The following DRGX variants were observed in gnomAD, a reference collection of about 807,000 sequenced individuals.
The protein encoded by DRGX is dorsal root ganglia homeobox protein.
DRGX carries 21 observed loss-of-function variants against 28.6 expected under a neutral mutation model. That is an observed-to-expected ratio of 0.73 (90% CI 0.52 to 1.06). The LOEUF is 1.06. Ranked by LOEUF, DRGX falls within the 50% of genes least tolerant of loss-of-function variation. The probability of loss-of-function intolerance (pLI) is 0.00; values close to 1 mark genes in which losing one functional copy is unlikely to be tolerated. For synonymous variants in DRGX, 136 were observed against 139.1 expected, an observed-to-expected ratio of 0.98 and a Z score of 0.16; for missense variants, 354 against 343.9, an observed-to-expected ratio of 1.03 and a Z score of -0.23.
chr10:49,391,475 G>T (rs1849904510), intron 2 of DRGX, among the ~76,000 whole-genome samples: 1 of 152,124 alleles, frequency 6.6e-6, no homozygotes, highest in Non-Finnish European at 1.5e-5. Context: ...ATTACATAGG[G>T]CGAGTGGTGA....
At chr10:49,369,501 A>G (rs1849632072) in intron 6 of DRGX, among the ~76,000 whole-genome samples, 1 of 152,220 alleles carries the variant, frequency 6.6e-6, no homozygotes, top group African/African-American at 2.4e-5. Context: ...CCAGTCACTA[A>G]AAGAACAAAT....
At chr10:49,393,353 T>A (rs1358625692) in intron 2 of DRGX, among the ~76,000 whole-genome samples, 1 of 152,194 alleles carries the variant, frequency 6.6e-6, no homozygotes, top group Non-Finnish European at 1.5e-5. Flanking sequence ...AAATGAGAAT[T>A]AAATCATGTT....
At chr10:49,381,598 C>T (rs914884325) in intron 6 of DRGX, among the ~76,000 whole-genome samples, 10 of 152,178 alleles carry the variant, frequency 6.6e-5, no homozygotes, top group African/African-American at 2.2e-4. Context: ...AGACCAGGAC[C>T]CCCAGCTCAG....
chr10:49,389,840 CTT>C (rs372299739), intron 4 of DRGX, among the ~76,000 whole-genome samples: 6 of 137,992 alleles, frequency 4.3e-5, no homozygotes, highest in Admixed American at 7.3e-5. Context: ...TTCTTTCTTT[CTT>C]TTTTTTTTTT....
intron 4 of DRGX, among the ~76,000 whole-genome samples, chr10:49,388,704 G>A (rs1197722892): frequency 6.6e-6 from 1 of 152,178 alleles, no homozygotes; most frequent in African/African-American, 2.4e-5. Context: ...AGAGCATGAT[G>A]GAGTCGTTTA....
At chr10:49,377,021 T>C (rs1207504248) in intron 6 of DRGX, among the ~76,000 whole-genome samples, 1 of 152,208 alleles carries the variant, frequency 6.6e-6, no homozygotes, top group Non-Finnish European at 1.5e-5. Flanking sequence ...ATGCTCAACC[T>C]GTGGTTCAGA....
intron 6 of DRGX, among the ~76,000 whole-genome samples, chr10:49,385,966 C>A (rs1338598293): frequency 6.6e-6 from 1 of 152,084 alleles, no homozygotes; most frequent in Admixed American, 6.5e-5. Flanking sequence ...TGACAAAATG[C>A]CCCTAACGAT....
At chr10:49,375,066 A>G (rs1849702527) in intron 6 of DRGX, among the ~76,000 whole-genome samples, 2 of 152,248 alleles carry the variant, frequency 1.3e-5, no homozygotes, top group South Asian at 4.1e-4. Context: ...ATATTTAAGC[A>G]TACTTTTAGC....
intron 1 of DRGX, 92 bp downstream of exon 1, chr10:49,395,843 C>T (rs569162664): frequency 5.0e-4 from 131 of 262,532 alleles, no homozygotes; most frequent in African/African-American, 2.9e-3. Context: ...GCGCGCAAGG[C>T]CATCTGCGAG....
In DRGX at chr10:49,366,038, T is replaced by C; in HGVS notation, c.*78A>G. 6.9e-7 allele frequency: 1 copy of C among 1,439,940 alleles called. No individual in the cohort carries two copies. Among genetic ancestry groups the C allele is most frequent in the East Asian group, 2.4e-5 (1 of 41,298 alleles). The allele number at this position is 1,439,940 out of a possible 1,614,324, so 89.2% of individuals were successfully genotyped here. A position where few individuals can be genotyped will look rare whatever the true frequency, so the allele number is the denominator to read the frequency against. ...GGGCCGCAGGCTTCTCCTTGCTATT[T>C]GGAGAGTTTTCTGTAGGGGCTGAGG... On this transcript the variant is annotated 3_prime_UTR_variant, in exon 7 of 7. Coordinates refer to ENST00000374139, the MANE Select transcript of DRGX (RefSeq NM_001276451.2).
In DRGX at chr10:49,395,527, A is replaced by T; in HGVS notation, c.-81-6T>A. The T allele has an allele frequency of 7.6e-6, 11 of 1,453,946 alleles. No homozygotes were observed. Among genetic ancestry groups the T allele is most frequent in the Non-Finnish European group, 9.4e-6 (10 of 1,063,842 alleles). The allele number at this position is 1,453,946 out of a possible 1,614,324, so 90.1% of individuals were successfully genotyped here. On this transcript the variant is annotated splice_region_variant and splice_polypyrimidine_tract_variant and intron_variant, in intron 1 of 6. Coordinates refer to ENST00000374139, the MANE Select transcript of DRGX (RefSeq NM_001276451.2). ...CGCGCGTTGCTCCTGCCTGGCTGCA[A>T]AGCAAACAGCGATAGAGCTTCAAGT...
chr10:49,389,586 G>A (rs549660519), intron 4 of DRGX, among the ~76,000 whole-genome samples: 97 of 152,192 alleles, frequency 6.4e-4, no homozygotes, highest in African/African-American at 2.2e-3. Context: ...CGGTCACCGC[G>A]GGCCATACTC....
chr10:49,372,965 ATTGTTT>A (rs778484473), intron 6 of DRGX, among the ~76,000 whole-genome samples: 1 of 152,184 alleles, frequency 6.6e-6, no homozygotes, highest in Non-Finnish European at 1.5e-5. Context: ...GTAGCAGAGT[ATTGTTT>A]TTGTTTTTGT....
At chr10:49,395,827 C>T in intron 1 of DRGX, 108 bp downstream of exon 1, 1 of 288,194 alleles carries the variant, frequency 3.5e-6, no homozygotes. Flanking sequence ...CAGCCAGGTC[C>T]GGCTAGCGCG....
rs772322917 is a variant in DRGX, at chr10:49,386,472, A to G, written c.526+6T>C. On this transcript the variant is annotated splice_donor_region_variant and intron_variant, in intron 6 of 6. Coordinates refer to ENST00000374139, the MANE Select transcript of DRGX (RefSeq NM_001276451.2). The stretch of plus-strand genomic sequence containing the variant: ...CGCCCACCAGCCCAGCCGAACCCAA[A>G]CTCACCTTTGAGGGAAGCCACATGG... The G allele has an allele frequency of 1.9e-6, 3 of 1,551,998 alleles. No homozygotes were observed. The East Asian group carries it at 7.2e-5, about 37-fold the overall frequency.
intron 6 of DRGX, 120 bp downstream of exon 6, chr10:49,386,358 A>C: frequency 1.3e-6 from 1 of 793,284 alleles, no homozygotes; most frequent in Non-Finnish European, 2.0e-6. Context: ...GACTGACAGG[A>C]GGCGAGGAAG....
In DRGX at chr10:49,386,414, G is replaced by A. The variant is rs530219665; in HGVS notation, c.526+64C>T. 9.6e-5 allele frequency: 134 copies of A among 1,399,774 alleles called. No homozygotes were observed. The East Asian group carries it at 1.2e-3, about 12-fold the overall frequency. The allele number at this position is 1,399,774 out of a possible 1,614,324, so 86.7% of individuals were successfully genotyped here. A position where few individuals can be genotyped will look rare whatever the true frequency, so the allele number is the denominator to read the frequency against. On this transcript the variant is annotated intron_variant, in intron 6 of 6. Transcript: ENST00000374139. ...GGACGGCCGAGCCAAGACCCAGGCC[G>A]GTCACACAAACTCCACCAACCCCAT...
At chr10:49,387,475 A>G (rs1240482946) in intron 4 of DRGX, among the ~76,000 whole-genome samples, 1 of 152,132 alleles carries the variant, frequency 6.6e-6, no homozygotes, top group Admixed American at 6.5e-5. Flanking sequence ...CCTGGCCAAC[A>G]TGATGAAACC....
rs1436030473 is a variant in DRGX, at chr10:49,395,586, G to T, written c.-81-65C>A. 7.6e-6 allele frequency: 7 copies of T among 921,104 alleles called. No homozygotes were observed. In the Admixed American group the frequency reaches 1.1e-4, roughly 14 times the overall value. 57.1% of individuals were successfully genotyped at this position (921,104 alleles called of 1,614,324 possible). The stretch of plus-strand genomic sequence containing the variant: ...GCCAGCGCTCCCGCCCAGCCCTAGG[G>T]CGCACCCGGCGCTCCCCTCCTGGAA... On this transcript the variant is annotated intron_variant, in intron 1 of 6. Transcript: ENST00000374139.
Sources: allele counts gnomAD v4.1 joint callset (sites outside exome capture counted in the v4.1 genomes callset), GRCh38; gene constraint gnomAD v4.1.1; transcripts MANE v1.5; gene names NCBI Gene and HGNC (gene_info 2026-07-23, HGNC 2026-07-21).